DGLUCY: variants seen among roughly 807,000 people sequenced by gnomAD.
DGLUCY encodes the protein D-glutamate cyclase, mitochondrial.
Under a neutral mutation model 58.5 loss-of-function variants are expected in DGLUCY, and 58 were observed. The observed-to-expected ratio is 0.99, with a 90% CI of 0.80 to 1.23. DGLUCY has a LOEUF of 1.23. DGLUCY is among the 50% of genes most tolerant of loss of function. The pLI is 0.00. For missense variants in DGLUCY, 779 were observed against 784.7 expected, an observed-to-expected ratio of 0.99 and a Z score of 0.09; for synonymous variants, 325 against 314.1, an observed-to-expected ratio of 1.03 and a Z score of -0.37.
intron 1 of DGLUCY, among the ~76,000 whole-genome samples, chr14:91,069,482 G>A (rs1373206516): frequency 2.0e-5 from 3 of 152,048 alleles, no homozygotes; most frequent in Non-Finnish European, 4.4e-5. Flanking sequence ...GTTTCACCAT[G>A]TTGGCCAGGC....
chr14:91,111,359 C>A (rs117019052), upstream of DGLUCY, among the ~76,000 whole-genome samples: 4,974 of 151,670 alleles, frequency 0.033, 127 homozygotes, highest in Middle Eastern at 0.069. Flanking sequence ...CGGCTCACTG[C>A]AACCTCTCTG....
At chr14:91,217,483 CTTTTT>C (rs11306803) in intron 13 of DGLUCY, among the ~76,000 whole-genome samples, 2,419 of 123,126 alleles carry the variant, frequency 0.02, 69 homozygotes, top group African/African-American at 0.07. Context: ...CCTTTTCTGT[CTTTTT>C]TTTTTTTTTT....
intron 12 of DGLUCY, among the ~76,000 whole-genome samples, chr14:91,214,329 T>C (rs1448429071): frequency 6.6e-6 from 1 of 152,186 alleles, no homozygotes. Context: ...CTTCTTCAAC[T>C]GCATGGAGAA....
At chr14:91,139,018 A>G (rs970345422) in intron 1 of DGLUCY, among the ~76,000 whole-genome samples, 1 of 152,212 alleles carries the variant, frequency 6.6e-6, no homozygotes, top group Non-Finnish European at 1.5e-5. Context: ...TTCTCCAGAG[A>G]AACAGAACCA....
At chr14:91,134,267 C>T (rs1329585538) in intron 1 of DGLUCY, among the ~76,000 whole-genome samples, 1 of 152,096 alleles carries the variant, frequency 6.6e-6, no homozygotes, top group Admixed American at 6.6e-5. Context: ...TACAACATTG[C>T]GTCTTTCTGT....
rs531975907 is a variant in DGLUCY at position 91,163,032 on chromosome 14, C to T, written c.103+2635C>T. On this transcript the variant is annotated intron_variant, in intron 3 of 13. Coordinates refer to ENST00000256324, the MANE Select transcript of DGLUCY (RefSeq NM_001102368.3). ...CAGCACTTTGGGAGGCCGAGGCCAG[C>T]GGACTGCCTGAGGTCAGGAGTTCAA... 7.2e-5 allele frequency among the ~76,000 whole-genome samples: 11 copies of T among 152,116 alleles called. No homozygotes were observed. In the South Asian group the frequency reaches 1.7e-3, roughly 23 times the overall value.
chr14:91,103,681 A>C (rs1298436618), upstream of DGLUCY, among the ~76,000 whole-genome samples: 31 of 150,492 alleles, frequency 2.1e-4, no homozygotes, highest in Admixed American at 2.0e-3. Context: ...CTCTTTATAT[A>C]TCTCTCTCCT....
chr14:91,197,016 G>A (rs1268027961), intron 10 of DGLUCY, among the ~76,000 whole-genome samples: 1 of 152,114 alleles, frequency 6.6e-6, no homozygotes, highest in African/African-American at 2.4e-5. Context: ...GCCTAGGCTG[G>A]GGTGCAGTGG....
chr14:91,135,926 C>CTTTTT (rs34202137), intron 1 of DGLUCY, among the ~76,000 whole-genome samples: 1 of 51,178 alleles, frequency 2.0e-5, no homozygotes, highest in Middle Eastern at 0.018. Context: ...GATACATTAG[C>CTTTTT]TTTTTTTTTT....
At chr14:91,161,128 CG>C (rs1223942560) in intron 3 of DGLUCY, among the ~76,000 whole-genome samples, 1 of 152,220 alleles carries the variant, frequency 6.6e-6, no homozygotes, top group Admixed American at 6.5e-5. Context: ...TGCAGTGATG[CG>C]ATCTGGGCTC....
At chr14:91,144,722 G>C (rs778950747) in intron 1 of DGLUCY, among the ~76,000 whole-genome samples, 2 of 152,188 alleles carry the variant, frequency 1.3e-5, no homozygotes, top group Non-Finnish European at 2.9e-5. Flanking sequence ...GGGAGCTCTC[G>C]TGGGAAGTGG....
chr14:91,203,293 T>C (rs2050683122), intron 11 of DGLUCY, among the ~76,000 whole-genome samples: 1 of 152,236 alleles, frequency 6.6e-6, no homozygotes, highest in South Asian at 2.1e-4. Flanking sequence ...CTAAGGTGTT[T>C]GGTCCTTCAC....
chr14:91,215,698 G>C (rs1170461945), intron 13 of DGLUCY, 142 bp downstream of exon 13: 1 of 1,557,944 alleles, frequency 6.4e-7, no homozygotes, highest in East Asian at 2.4e-5. Context: ...TTGAAGCAGA[G>C]GTCTCCTGGA....
chr14:91,103,516 C>T (rs1473581006), upstream of DGLUCY, among the ~76,000 whole-genome samples: 4 of 152,150 alleles, frequency 2.6e-5, no homozygotes, highest in Admixed American at 2.6e-4. Context: ...ATACACACGC[C>T]TTCCTACATC....
chr14:91,161,554 T>G (rs1487222229), intron 3 of DGLUCY, among the ~76,000 whole-genome samples: 1 of 152,222 alleles, frequency 6.6e-6, no homozygotes, highest in Non-Finnish European at 1.5e-5. Flanking sequence ...TGAACATTTC[T>G]TCTCCATGAA....
At chr14:91,085,626 A>G (rs1045427748) in intron 1 of DGLUCY, among the ~76,000 whole-genome samples, 3 of 150,158 alleles carry the variant, frequency 2.0e-5, no homozygotes, top group African/African-American at 7.4e-5. Context: ...CTGGAGTGCA[A>G]TGGCACGATC....
chr14:91,188,893 T>C lies in DGLUCY; in HGVS notation c.935-17T>C. The stretch of plus-strand genomic sequence containing the variant: ...TAAAAATATAGTTACTTTTACATTC[T>C]ATTTTTGTCATTTCAGGGAACCGGG... On this transcript the variant is annotated splice_polypyrimidine_tract_variant and intron_variant, in intron 8 of 13. Coordinates refer to ENST00000256324, the MANE Select transcript of DGLUCY (RefSeq NM_001102368.3). The C allele has an allele frequency of 1.2e-6, 2 of 1,604,522 alleles. No individual in the cohort carries two copies. Among genetic ancestry groups the C allele is most frequent in the Non-Finnish European group, 1.7e-6 (2 of 1,175,954 alleles).
intron 13 of DGLUCY, among the ~76,000 whole-genome samples, chr14:91,219,545 C>T (rs998526283): frequency 6.6e-6 from 1 of 152,206 alleles, no homozygotes; most frequent in Non-Finnish European, 1.5e-5. Flanking sequence ...GAGAAATGTC[C>T]CACAGCTCTG....
intron 1 of DGLUCY, among the ~76,000 whole-genome samples, chr14:91,068,106 C>CAT (rs2043856981): frequency 6.6e-6 from 1 of 152,052 alleles, no homozygotes; most frequent in Non-Finnish European, 1.5e-5. Flanking sequence ...CACACACACA[C>CAT]ACACACACAC....
Sources: allele counts gnomAD v4.1 joint callset (sites outside exome capture counted in the v4.1 genomes callset), GRCh38; gene constraint gnomAD v4.1.1; transcripts MANE v1.5; gene names NCBI Gene and HGNC (gene_info 2026-07-23, HGNC 2026-07-21).